The following RIPOR3 variants were observed in gnomAD, a reference collection of about 807,000 sequenced individuals.
RIPOR3 encodes RIPOR family member 3.
A neutral mutation model predicts 114.3 loss-of-function variants in RIPOR3; 95 were observed. The ratio of observed to expected loss-of-function variants is 0.83; its 90% CI spans 0.70 to 0.99. The LOEUF (loss-of-function observed/expected upper bound fraction) is 0.99, where lower values mean the gene tolerates loss of function less well. Ranked by LOEUF, RIPOR3 falls within the 50% of genes least tolerant of loss-of-function variation. The pLI is 0.00. For synonymous variants in RIPOR3, 575 were observed against 543.8 expected, an observed-to-expected ratio of 1.06 and a Z score of -0.80; for missense variants, 1,252 against 1,266.9, an observed-to-expected ratio of 0.99 and a Z score of 0.18.
intron 2 of RIPOR3, among the ~76,000 whole-genome samples, chr20:50,624,668 C>T (rs930319225): frequency 1.3e-5 from 2 of 152,218 alleles, no homozygotes; most frequent in African/African-American, 4.8e-5. Flanking sequence ...CCTCTGGGGC[C>T]GGATGTTTCA....
intron 11 of RIPOR3, among the ~76,000 whole-genome samples, chr20:50,607,563 C>T (rs1373573309): frequency 6.6e-6 from 1 of 152,122 alleles, no homozygotes; most frequent in Non-Finnish European, 1.5e-5. Context: ...GACCCGCAGG[C>T]ACCCTGGGTC....
At chr20:50,623,174 TCA>T (rs2084484396) in intron 2 of RIPOR3, among the ~76,000 whole-genome samples, 1 of 146,312 alleles carries the variant, frequency 6.8e-6, no homozygotes, top group Non-Finnish European at 1.5e-5. Flanking sequence ...GGCAGGAGAA[TCA>T]CTTGAACCGG....
chr20:50,626,761 T>C (rs1245694051), intron 2 of RIPOR3, among the ~76,000 whole-genome samples: 1 of 152,186 alleles, frequency 6.6e-6, no homozygotes, highest in South Asian at 2.1e-4. Flanking sequence ...GTGGCTCACG[T>C]CTGTAATCCC....
At chr20:50,601,609 C>T (rs899547585) in intron 13 of RIPOR3, among the ~76,000 whole-genome samples, 1 of 152,184 alleles carries the variant, frequency 6.6e-6, no homozygotes, top group Non-Finnish European at 1.5e-5. Flanking sequence ...CCTCTGAAAG[C>T]CACCTGCCAC....
At chr20:50,688,860 C>T (rs931473306) in intron 1 of RIPOR3, among the ~76,000 whole-genome samples, 1 of 152,186 alleles carries the variant, frequency 6.6e-6, no homozygotes, top group African/African-American at 2.4e-5. Context: ...CCCTTTGGAG[C>T]TCCCCAGGAT....
In RIPOR3 at chr20:50,611,001, A is replaced by C; in HGVS notation, c.373-95T>G. On this transcript the variant is annotated intron_variant, in intron 5 of 21. Coordinates refer to ENST00000327979, the MANE Select transcript of RIPOR3 (RefSeq NM_001290268.2). Reference sequence around the variant, plus strand: ...CACCCTCCTACAGGTCCTAACTCAGAGAATGGGGCCCCTCACCATCCCTGA... The same window carrying C: ...CACCCTCCTACAGGTCCTAACTCAGCGAATGGGGCCCCTCACCATCCCTGA... 3 of 585,500 alleles carry C rather than the reference A, an allele frequency of 5.1e-6. No homozygotes were observed. The Admixed American group carries it at 1.4e-4, about 27-fold the overall frequency. The allele number at this position is 585,500 out of a possible 1,614,324, so 36.3% of individuals were successfully genotyped here.
At chr20:50,662,101 C>T (rs1359941895) in intron 1 of RIPOR3, 2 of 152,406 alleles carry the variant, frequency 1.3e-5, no homozygotes, top group Non-Finnish European at 2.9e-5. Flanking sequence ...AAGGATCAGC[C>T]GCAGACTCAC....
chr20:50,682,976 C>T (rs1050898548), intron 1 of RIPOR3, among the ~76,000 whole-genome samples: 2 of 152,158 alleles, frequency 1.3e-5, no homozygotes, highest in Non-Finnish European at 1.5e-5. Flanking sequence ...ATCTGCCCGC[C>T]TTGGCCTCCC....
chr20:50,670,856 C>T (rs1054722912), intron 1 of RIPOR3, among the ~76,000 whole-genome samples: 1 of 152,198 alleles, frequency 6.6e-6, no homozygotes, highest in Non-Finnish European at 1.5e-5. Flanking sequence ...TTGGCCAAGG[C>T]AGCTTCTAGC....
intron 1 of RIPOR3, among the ~76,000 whole-genome samples, chr20:50,673,461 A>G (rs545054927): frequency 1.3e-5 from 2 of 151,938 alleles, no homozygotes; most frequent in Non-Finnish European, 2.9e-5. Context: ...GTCCTTCAGG[A>G]TCCTCTGATC....
chr20:50,598,402 G>A (rs1403224392), intron 13 of RIPOR3, among the ~76,000 whole-genome samples: 5 of 151,868 alleles, frequency 3.3e-5, no homozygotes, highest in Non-Finnish European at 5.9e-5. Context: ...TCCTGCCCCC[G>A]TTCCCAGCAC....
chr20:50,665,413 C>T (rs2086151725), intron 1 of RIPOR3, among the ~76,000 whole-genome samples: 1 of 111,526 alleles, frequency 9.0e-6, no homozygotes, highest in Non-Finnish European at 1.9e-5. Flanking sequence ...GCTCAGAGCC[C>T]CCTCTTCCTT....
At chr20:50,588,749 GAAA>G (rs869194473) in intron 20 of RIPOR3, among the ~76,000 whole-genome samples, 1 of 58,450 alleles carries the variant, frequency 1.7e-5, no homozygotes, top group Non-Finnish European at 3.4e-5. Flanking sequence ...ATTCTCAAGT[GAAA>G]AAAAAAAAAA....
At chr20:50,631,427 G>A (rs1223256573) in intron 1 of RIPOR3, among the ~76,000 whole-genome samples, 5 of 152,220 alleles carry the variant, frequency 3.3e-5, no homozygotes, top group African/African-American at 7.2e-5. Flanking sequence ...GTCTAAGGCC[G>A]AGGGAACAGC....
At position 50,602,786 on chromosome 20, in the gene RIPOR3, C is replaced by T; in HGVS notation, c.1087-142G>A. On this transcript the variant is annotated intron_variant, in intron 12 of 21. Transcript: ENST00000327979. The surrounding 1 kb of genome is among the most constrained non-coding windows in gnomAD (Gnocchi z 4.3). ...GAGGCCTGCCGAGGTGACCAGCATC[C>T]CAGAGGTGCAGAAAAAACCCTGTCC... is the stretch of plus-strand genomic sequence containing the variant. 1 of 536,680 alleles carries T rather than the reference C, an allele frequency of 1.9e-6. No individual in the cohort carries two copies. Among genetic ancestry groups the T allele is most frequent in the Non-Finnish European group, 2.9e-6 (1 of 346,012 alleles). 33.2% of individuals were successfully genotyped at this position (536,680 alleles called of 1,614,324 possible).
At chr20:50,596,714 AGGAAGGGT>A (rs2083303738) in intron 14 of RIPOR3, among the ~76,000 whole-genome samples, 1 of 152,348 alleles carries the variant, frequency 6.6e-6, no homozygotes, top group East Asian at 1.9e-4. Context: ...TCAGCCACTC[AGGAAGGGT>A]GGAAGCAAGT....
intron 1 of RIPOR3, among the ~76,000 whole-genome samples, chr20:50,680,940 C>T (rs1204445422): frequency 6.6e-6 from 1 of 152,130 alleles, no homozygotes; most frequent in Non-Finnish European, 1.5e-5. Context: ...TAACAAGAAA[C>T]AATAGCTGGC....
intron 1 of RIPOR3, 106 bp from the exon 2 acceptor site, chr20:50,630,962 G>C: frequency 1.1e-6 from 1 of 871,348 alleles, no homozygotes; most frequent in Non-Finnish European, 1.8e-6. Flanking sequence ...AATGGCCCCA[G>C]AGTGTTGTGG....
intron 1 of RIPOR3, among the ~76,000 whole-genome samples, chr20:50,667,806 G>A (rs896440419): frequency 3.3e-5 from 5 of 152,178 alleles, no homozygotes; most frequent in African/African-American, 1.2e-4. Flanking sequence ...AGTAGCAAAG[G>A]CTTTGAGATC....
Sources: gnomAD v4.1 joint callset for allele counts (sites outside exome capture counted in the v4.1 genomes callset) on GRCh38, gnomAD v4.1.1 for gene constraint, Gnocchi (gnomAD v3.1) non-coding constraint, MANE v1.5 for transcripts, NCBI Gene and HGNC (gene_info 2026-07-23, HGNC 2026-07-21) for gene names.